NIT2: variants seen among roughly 807,000 people sequenced by gnomAD.
NIT2 encodes omega-amidase NIT2.
NIT2 carries 46 observed loss-of-function variants against 42.7 expected under a neutral mutation model. The observed-to-expected ratio is 1.08, with a 90% CI of 0.85 to 1.38. The LOEUF (loss-of-function observed/expected upper bound fraction) is 1.38. NIT2 is among the 40% of genes most tolerant of loss of function. The pLI is 0.00. For synonymous variants in NIT2, 123 were observed against 121.9 expected, an observed-to-expected ratio of 1.01 and a Z score of -0.06; for missense variants, 309 against 342.5, an observed-to-expected ratio of 0.90 and a Z score of 0.77.
chr3:100,354,862 T>C, intron 9 of NIT2, 35 bp downstream of exon 9: 1 of 1,567,458 alleles, frequency 6.4e-7, no homozygotes, highest in Non-Finnish European at 8.8e-7. Context: ...AGGTCTCTGA[T>C]GTCCCCATTG....
At position 100,355,685 on chromosome 3, in the gene NIT2, T is replaced by A. The variant is rs1576204851; in HGVS notation, c.*417T>A. The A allele has an allele frequency of 6.3e-6, 1 of 158,576 alleles. No individual in the cohort carries two copies. The highest frequency in any genetic ancestry group is 1.9e-4 in the South Asian group (1 of 5,262). The allele number at this position is 158,576 out of a possible 1,614,324, so 9.8% of individuals were successfully genotyped here. On this transcript the variant is annotated 3_prime_UTR_variant, in exon 10 of 10. Transcript: ENST00000394140. ...TCTTTTCCAAGCAGTACCTTGAAGT[T>A]CCATTTTTGGTTCATGAGTAGCTAT...
intron 1 of NIT2, among the ~76,000 whole-genome samples, chr3:100,338,087 G>T (rs1179410101): frequency 1.3e-5 from 2 of 152,048 alleles, no homozygotes; most frequent in African/African-American, 2.4e-5. Flanking sequence ...AAAAATATTA[G>T]CTAATGGAAA....
intron 5 of NIT2, chr3:100,345,903 C>G: frequency 1.7e-6 from 1 of 595,462 alleles, no homozygotes; most frequent in South Asian, 2.0e-5. Flanking sequence ...GTTACGGCTT[C>G]CAGAGTATAC....
At chr3:100,335,432 C>T (rs1383426926) in intron 1 of NIT2, among the ~76,000 whole-genome samples, 1 of 152,148 alleles carries the variant, frequency 6.6e-6, no homozygotes. Context: ...TTTTTTTCCG[C>T]CCCTTGGTAA....
chr3:100,336,133 C>T (rs1338661920), intron 1 of NIT2, among the ~76,000 whole-genome samples: 1 of 152,214 alleles, frequency 6.6e-6, no homozygotes, highest in African/African-American at 2.4e-5. Context: ...AGGAATGGGA[C>T]ATCTGAGTTT....
intron 6 of NIT2, among the ~76,000 whole-genome samples, chr3:100,347,623 T>G (rs1706230413): frequency 2.0e-5 from 3 of 151,722 alleles, no homozygotes; most frequent in Non-Finnish European, 4.4e-5. Flanking sequence ...AGAGATGGGG[T>G]CTCTCTATGT....
At chr3:100,351,437 C>T (rs1201158902) in intron 7 of NIT2, among the ~76,000 whole-genome samples, 1 of 152,024 alleles carries the variant, frequency 6.6e-6, no homozygotes, top group Admixed American at 6.6e-5. Flanking sequence ...GAACAGAGCC[C>T]TCAGAAATAA....
At chr3:100,346,628 G>A (rs1319533551) in intron 6 of NIT2, among the ~76,000 whole-genome samples, 2 of 152,170 alleles carry the variant, frequency 1.3e-5, no homozygotes, top group African/African-American at 2.4e-5. Flanking sequence ...TGGTCCAGAC[G>A]AGGAGAAATG....
chr3:100,342,176 T>C (rs920824230), intron 4 of NIT2, among the ~76,000 whole-genome samples: 81 of 152,232 alleles, frequency 5.3e-4, no homozygotes, highest in African/African-American at 1.9e-3. Flanking sequence ...CTGCTATCAC[T>C]ATAGCCACTC....
At chr3:100,346,304 C>A in intron 6 of NIT2, 49 bp downstream of exon 6, 2 of 1,527,078 alleles carry the variant, frequency 1.3e-6, no homozygotes, top group South Asian at 1.1e-5. Flanking sequence ...AGGCTTGGTT[C>A]TAGGCTGGTC....
At chr3:100,354,746 CT>C (rs771827892) in intron 8 of NIT2, 25 bp from the exon 9 acceptor site, 1 of 1,589,228 alleles carries the variant, frequency 6.3e-7, no homozygotes, top group Non-Finnish European at 8.6e-7. Context: ...AGTGAATCCA[CT>C]CATTCTCTTC....
chr3:100,349,023 GA>G, intron 7 of NIT2, 142 bp downstream of exon 7: 1 of 653,484 alleles, frequency 1.5e-6, no homozygotes, highest in Non-Finnish European at 2.7e-6. Flanking sequence ...AGTTGGAAAG[GA>G]TGAAGCTATA....
At chr3:100,341,212 T>C (rs1241583441) in intron 4 of NIT2, 51 bp downstream of exon 4, 3 of 1,390,388 alleles carry the variant, frequency 2.2e-6, no homozygotes, top group East Asian at 2.3e-5. Context: ...CCAGCAACAA[T>C]GTGTGGAAAA....
intron 1 of NIT2, among the ~76,000 whole-genome samples, chr3:100,338,482 A>C (rs2148880676): frequency 6.6e-6 from 1 of 152,302 alleles, no homozygotes; most frequent in African/African-American, 2.4e-5. Context: ...TCCCTCTGCC[A>C]GCAGCGGGAT....
rs1340452502 is a variant in NIT2, at chr3:100,355,232, A to G, written c.795A>G (p.Arg265=). Residue 265 remains arginine, a synonymous_variant, in exon 10 of 10, where the codon CGA becomes CGG. Coordinates refer to ENST00000394140, the MANE Select transcript of NIT2 (RefSeq NM_020202.5). ...RQQIPVFRQK[R]SDLYAVEMKK... Reference sequence around the variant, plus strand: ...AAATCCCCGTTTTTAGACAGAAGCGATCAGACCTCTATGCTGTGGAGATGA... The same window carrying G: ...AAATCCCCGTTTTTAGACAGAAGCGGTCAGACCTCTATGCTGTGGAGATGA... 1 of 1,614,152 alleles carries G rather than the reference A, an allele frequency of 6.2e-7. No individual in the cohort carries two copies. The highest frequency in any genetic ancestry group is 1.1e-5 in the South Asian group (1 of 91,088).
intron 4 of NIT2, among the ~76,000 whole-genome samples, chr3:100,343,754 GA>G (rs1022389716): frequency 4.6e-5 from 7 of 152,072 alleles, no homozygotes; most frequent in African/African-American, 9.7e-5. Flanking sequence ...CAAACAACAA[GA>G]AAAAAATTAT....
intron 3 of NIT2, among the ~76,000 whole-genome samples, chr3:100,340,872 T>C (rs1706142116): frequency 6.6e-6 from 1 of 152,162 alleles, no homozygotes. Context: ...AAAAAAACCA[T>C]GATTAAGTAA....
chr3:100,342,899 T>A (rs574541735), intron 4 of NIT2, among the ~76,000 whole-genome samples: 1 of 152,136 alleles, frequency 6.6e-6, no homozygotes, highest in Non-Finnish European at 1.5e-5. Context: ...CATTTAGAAT[T>A]TTTGTTCTGA....
intron 3 of NIT2, 94 bp from the exon 4 acceptor site, chr3:100,340,979 A>G: frequency 1.3e-6 from 1 of 794,602 alleles, no homozygotes; most frequent in Non-Finnish European, 2.1e-6. Context: ...TAGGTTCTTT[A>G]TTTTTGGACC....
Sources: gnomAD v4.1 joint callset for allele counts (sites outside exome capture counted in the v4.1 genomes callset) on GRCh38, gnomAD v4.1.1 for gene constraint, MANE v1.5 for transcripts, NCBI Gene and HGNC (gene_info 2026-07-23, HGNC 2026-07-21) for gene names.